NLRP5: variants seen among roughly 807,000 people sequenced by gnomAD.
The protein encoded by NLRP5 is NACHT, LRR and PYD domains-containing protein 5.
Under a neutral mutation model 113.1 loss-of-function variants are expected in NLRP5, and 93 were observed. The observed-to-expected ratio is 0.82, with a 90% confidence interval of 0.70 to 0.98. The LOEUF (loss-of-function observed/expected upper bound fraction) is 0.98. Ranked by LOEUF, NLRP5 falls within the 50% of genes least tolerant of loss-of-function variation. The pLI, the probability that NLRP5 is intolerant of heterozygous loss-of-function variation, is 0.00. For synonymous variants in NLRP5, 751 were observed against 600.7 expected (o/e 1.25, Z -3.66); for missense variants, 1,808 against 1,514.3 (o/e 1.19, Z -3.22).
At chr19:56,044,481 T>C (rs528312036) in intron 11 of NLRP5, among the ~76,000 whole-genome samples, 15 of 152,322 alleles carry the variant, frequency 9.8e-5, no homozygotes, top group African/African-American at 3.6e-4. Context: ...GTGTCCTTTC[T>C]CCACTTTAGG....
At chr19:55,997,758 G>C (rs1981372103), upstream of NLRP5, among the ~76,000 whole-genome samples, 1 of 152,076 alleles carries the variant, frequency 6.6e-6, no homozygotes, top group African/African-American at 2.4e-5. Flanking sequence ...AGCTACTTGG[G>C]AGGTTGAGGC....
the NLRP5 span, among the ~76,000 whole-genome samples, chr19:55,993,357 C>T: frequency 7.3e-6 from 1 of 137,230 alleles, no homozygotes; most frequent in Non-Finnish European, 1.6e-5. Context: ...ATCTTAGCAC[C>T]CATGAGCCAT....
At chr19:55,996,943 G>C (rs564885387), upstream of NLRP5, among the ~76,000 whole-genome samples, 9 of 152,272 alleles carry the variant, frequency 5.9e-5, no homozygotes, top group Middle Eastern at 3.4e-3. Flanking sequence ...CTAGTTTACA[G>C]TCCCACCAAC....
At chr19:56,060,584 A>G (rs74700330) in intron 14 of NLRP5, among the ~76,000 whole-genome samples, 4,786 of 152,174 alleles carry the variant, frequency 0.031, 240 homozygotes, top group African/African-American at 0.11. Flanking sequence ...ACCCTATAAC[A>G]CGACCCGGCA....
At chr19:56,006,621 A>G (rs1364531312) in intron 2 of NLRP5, among the ~76,000 whole-genome samples, 2 of 152,022 alleles carry the variant, frequency 1.3e-5, no homozygotes, top group African/African-American at 4.8e-5. Flanking sequence ...AATCCCAGCT[A>G]CTTGGGAGGC....
intron 13 of NLRP5, among the ~76,000 whole-genome samples, chr19:56,054,297 C>T (rs1984044853): frequency 6.6e-6 from 1 of 152,164 alleles, no homozygotes; most frequent in Non-Finnish European, 1.5e-5. Flanking sequence ...GGGGCTCACG[C>T]CTGTAACACC....
chr19:56,034,146 T>C (rs1983226926), intron 9 of NLRP5, among the ~76,000 whole-genome samples: 1 of 152,080 alleles, frequency 6.6e-6, no homozygotes. Context: ...CCCAGCACTT[T>C]GGGAGGCCGA....
chr19:56,000,481 C>T (rs1324389178), intron 1 of NLRP5, among the ~76,000 whole-genome samples: 2 of 152,124 alleles, frequency 1.3e-5, no homozygotes, highest in Non-Finnish European at 2.9e-5. Flanking sequence ...TCTCCTGCCT[C>T]AGCCTCCCTA....
At chr19:56,053,908 T>C in intron 13 of NLRP5, 100 bp downstream of exon 13, 1 of 1,125,464 alleles carries the variant, frequency 8.9e-7, no homozygotes, top group East Asian at 2.4e-5. Flanking sequence ...CTGGTTTCCA[T>C]GAGTCCCTCA....
chr19:56,015,801 G>A lies in NLRP5; in HGVS notation c.565+3G>A, dbSNP rs528489287. 3.1e-5 allele frequency: 49 copies of A among 1,561,112 alleles called. No individual in the cohort carries two copies. The highest frequency in any genetic ancestry group is 3.3e-4 in the Middle Eastern group (2 of 5,982). The stretch of plus-strand genomic sequence containing the variant: ...AGCTGCAGAGACAAAAGAACAAGGT[G>A]AATGAAATAGATCTATTCATTTGTT... On this transcript the variant is annotated splice_donor_region_variant and intron_variant, in intron 4 of 14. Coordinates refer to ENST00000390649, the MANE Select transcript of NLRP5 (RefSeq NM_153447.4).
chr19:55,990,088 T>C, the NLRP5 span, among the ~76,000 whole-genome samples: 3,214 of 65,398 alleles, frequency 0.049, 125 homozygotes, highest in African/African-American at 0.16. Context: ...TCTTTTTTTT[T>C]TTTTTTTTTT....
At position 56,050,515 on chromosome 19, in the gene NLRP5, C is replaced by G; in HGVS notation, c.3055C>G (p.Pro1019Ala). The G allele has an allele frequency of 6.2e-7, 1 of 1,613,872 alleles. No homozygotes were observed. Among genetic ancestry groups the G allele is most frequent in the Non-Finnish European group, 8.5e-7 (1 of 1,179,850 alleles). ...GACGCACCTGAGCCTTAGCATGAACCCTGTGGAAGACAATGGCGTGAAGCT... is the reference window on the plus strand; with the variant it reads ...GACGCACCTGAGCCTTAGCATGAACGCTGTGGAAGACAATGGCGTGAAGCT... The change falls in exon 12 of 15, where the codon CCT becomes GCT. Residue 1019 changes from proline to alanine, a missense_variant. Coordinates refer to ENST00000390649, the MANE Select transcript of NLRP5 (RefSeq NM_153447.4).
chr19:55,997,392 G>T (rs1981358829), upstream of NLRP5, among the ~76,000 whole-genome samples: 1 of 152,146 alleles, frequency 6.6e-6, no homozygotes, highest in Non-Finnish European at 1.5e-5. Context: ...CTATGTTCAT[G>T]AGAGACGTTG....
intron 3 of NLRP5, among the ~76,000 whole-genome samples, chr19:56,012,261 G>A (rs1458000764): frequency 6.6e-6 from 1 of 151,602 alleles, no homozygotes; most frequent in Non-Finnish European, 1.5e-5. Context: ...CCATTCTCCT[G>A]CCTCAGCCTC....
chr19:56,034,525 T>C (rs1983241506), intron 9 of NLRP5, among the ~76,000 whole-genome samples: 1 of 152,214 alleles, frequency 6.6e-6, no homozygotes, highest in South Asian at 2.1e-4. Flanking sequence ...TCTAGATTTG[T>C]GTAACAGTCA....
At chr19:56,040,554 G>T (rs7251194) in intron 10 of NLRP5, among the ~76,000 whole-genome samples, 1 of 152,044 alleles carries the variant, frequency 6.6e-6, no homozygotes, top group Non-Finnish European at 1.5e-5. Context: ...GCAACAGAGC[G>T]AGACTCCATC....
Position 56,032,601 on chromosome 19 carries a change from C to A in NLRP5, c.2277-10C>A. The stretch of plus-strand genomic sequence containing the variant: ...CCCATGAGCCCATGTTTCTATCCCC[C>A]CTGACATAGGATGCGGGATAAGACC... On this transcript the variant is annotated splice_polypyrimidine_tract_variant and intron_variant, in intron 7 of 14. Transcript: ENST00000390649. 1 of 1,609,042 alleles carries A rather than the reference C, an allele frequency of 6.2e-7. No homozygotes were observed. Among genetic ancestry groups the A allele is most frequent in the South Asian group, 1.1e-5 (1 of 90,248 alleles).
chr19:56,050,742 T>C (rs1983904439), intron 12 of NLRP5, among the ~76,000 whole-genome samples, 154 bp downstream of exon 12: 1 of 152,122 alleles, frequency 6.6e-6, no homozygotes, highest in Non-Finnish European at 1.5e-5. Context: ...TAAACTGAGG[T>C]GTTGACACCA....
chr19:56,007,998 G>A (rs1184512881), intron 2 of NLRP5, among the ~76,000 whole-genome samples: 1 of 139,270 alleles, frequency 7.2e-6, no homozygotes, highest in African/African-American at 2.7e-5. Flanking sequence ...GCGCGATCTC[G>A]GCTCACTGCA....
Sources: allele counts gnomAD v4.1 joint callset (sites outside exome capture counted in the v4.1 genomes callset), GRCh38; gene constraint gnomAD v4.1.1; transcripts MANE v1.5; gene names NCBI Gene and HGNC (gene_info 2026-07-23, HGNC 2026-07-21).